The following FRMD4A variants were observed in gnomAD, a reference collection of about 807,000 sequenced individuals.
The protein encoded by FRMD4A is FERM domain-containing protein 4A.
FRMD4A carries 29 observed loss-of-function variants against 129.1 expected under a neutral mutation model. The observed-to-expected ratio is 0.22, with a 90% CI of 0.17 to 0.31. FRMD4A has a LOEUF of 0.31. FRMD4A is among the 10% of genes least tolerant of loss of function. FRMD4A has a pLI of 1.00. For missense variants in FRMD4A, 1,272 were observed against 1,375.8 expected (o/e 0.92, Z 1.19); for synonymous variants, 634 against 571.6 (o/e 1.11, Z -1.56).
chr10:13,822,670 G>A (rs1043919221), intron 3 of FRMD4A, among the ~76,000 whole-genome samples: 50 of 152,260 alleles, frequency 3.3e-4, no homozygotes, highest in Non-Finnish European at 5.9e-5. Flanking sequence ...ACCAGGTGTC[G>A]CATGCTCACT....
Position 14,152,127 on chromosome 10 carries a change from T to C in FRMD4A, c.45+177931A>G, listed in dbSNP as rs1184236904. 8.5e-3 allele frequency among the ~76,000 whole-genome samples: 1,103 copies of C among 129,154 alleles called. 16 individuals are homozygous for C. Among genetic ancestry groups the C allele is most frequent in the African/African-American group, 0.033 (1,040 of 31,970 alleles). The allele number at this position is 129,154 out of a possible 152,430, so 84.7% of individuals were successfully genotyped here. A position where few individuals can be genotyped will look rare whatever the true frequency, so the allele number is the denominator to read the frequency against. ...TATGTTTGTGTAGTGCTTTTTTTTTTTTTTTTTTTTTTTTTTTTGAGACAT... is the reference window on the plus strand; with the variant it reads ...TATGTTTGTGTAGTGCTTTTTTTTTCTTTTTTTTTTTTTTTTTTGAGACAT... On this transcript the variant is annotated intron_variant, in intron 2 of 24. Coordinates refer to ENST00000357447, the MANE Select transcript of FRMD4A (RefSeq NM_018027.5).
At chr10:14,108,452 C>G (rs981998532) in intron 2 of FRMD4A, among the ~76,000 whole-genome samples, 2 of 152,166 alleles carry the variant, frequency 1.3e-5, no homozygotes, top group African/African-American at 4.8e-5. Flanking sequence ...GAGGTTTAAA[C>G]TCTTTGGCAT....
intron 2 of FRMD4A, among the ~76,000 whole-genome samples, chr10:14,271,957 T>A (rs188768106): frequency 1.1e-3 from 165 of 152,174 alleles, no homozygotes; most frequent in Middle Eastern, 3.4e-3. Context: ...CTCAGTACAT[T>A]ATAATTAATT....
At chr10:14,034,099 C>T (rs937008894) in intron 2 of FRMD4A, among the ~76,000 whole-genome samples, 1 of 152,222 alleles carries the variant, frequency 6.6e-6, no homozygotes, top group Non-Finnish European at 1.5e-5. Flanking sequence ...CAAGAGCTAT[C>T]TGTTATAACT....
chr10:14,305,002 C>T (rs186285422), intron 2 of FRMD4A, among the ~76,000 whole-genome samples: 11 of 152,302 alleles, frequency 7.2e-5, no homozygotes, highest in African/African-American at 2.4e-4. Context: ...TTCCCCACTT[C>T]CCTACAAGTG....
chr10:14,114,356 C>A (rs1010090593), intron 2 of FRMD4A, among the ~76,000 whole-genome samples: 2 of 152,154 alleles, frequency 1.3e-5, no homozygotes, highest in African/African-American at 4.8e-5. Context: ...CCATTGATTT[C>A]AAAAACCCCA....
At chr10:14,036,714 C>G (rs1419568699) in intron 2 of FRMD4A, among the ~76,000 whole-genome samples, 4 of 152,122 alleles carry the variant, frequency 2.6e-5, no homozygotes, top group Non-Finnish European at 5.9e-5. Flanking sequence ...TCCCGAGTAG[C>G]TGGAATTACA....
At chr10:13,958,457 G>A (rs2095424369) in intron 2 of FRMD4A, among the ~76,000 whole-genome samples, 1 of 151,140 alleles carries the variant, frequency 6.6e-6, no homozygotes, top group African/African-American at 2.4e-5. Flanking sequence ...CTAATTTTTT[G>A]TATTTTTAGT....
intron 2 of FRMD4A, among the ~76,000 whole-genome samples, chr10:13,918,921 A>G (rs1249353098): frequency 6.6e-6 from 1 of 151,884 alleles, no homozygotes; most frequent in Non-Finnish European, 1.5e-5. Context: ...ATGCCCCCCT[A>G]ATTTCCTATT....
intron 6 of FRMD4A, among the ~76,000 whole-genome samples, chr10:13,765,623 A>G (rs552257503): frequency 6.6e-6 from 1 of 152,338 alleles, no homozygotes; most frequent in South Asian, 2.1e-4. Flanking sequence ...AGCCTACGGA[A>G]GAATTGGGGA....
At chr10:13,997,024 A>G (rs1038190394) in intron 2 of FRMD4A, among the ~76,000 whole-genome samples, 10 of 133,740 alleles carry the variant, frequency 7.5e-5, no homozygotes, top group Admixed American at 3.7e-4. Context: ...AAACAAAACA[A>G]AACAAAACAG....
chr10:14,161,267 T>G lies in FRMD4A; in HGVS notation c.45+168791A>C, dbSNP rs535539362. 2.0e-5 allele frequency among the ~76,000 whole-genome samples: 3 copies of G among 152,266 alleles called. No individual in the cohort carries two copies. The South Asian group carries it at 6.2e-4, about 32-fold the overall frequency. On this transcript the variant is annotated intron_variant, in intron 2 of 24. Transcript: ENST00000357447. ...CACCATGCCCAGCTGGTATGAAGAT[T>G]ACTTAAACTAGAAATAGAGCTACCA...
chr10:13,769,833 A>G (rs1040106471), intron 6 of FRMD4A, among the ~76,000 whole-genome samples: 1 of 152,048 alleles, frequency 6.6e-6, no homozygotes, highest in Admixed American at 6.6e-5. Flanking sequence ...GAGCTGGGAC[A>G]TCACATTTCA....
intron 2 of FRMD4A, among the ~76,000 whole-genome samples, chr10:14,201,310 G>T (rs1294623585): frequency 6.6e-6 from 1 of 152,140 alleles, no homozygotes; most frequent in African/African-American, 2.4e-5. Flanking sequence ...AAGTTACCCA[G>T]TTAGCAATGA....
chr10:13,964,071 C>G (rs529736846), intron 2 of FRMD4A, among the ~76,000 whole-genome samples: 3 of 151,198 alleles, frequency 2.0e-5, no homozygotes, highest in African/African-American at 7.3e-5. Flanking sequence ...ACAGCCAACC[C>G]AGAACCAGAG....
intron 2 of FRMD4A, among the ~76,000 whole-genome samples, chr10:13,872,673 A>G (rs1325188919): frequency 2.0e-5 from 3 of 152,212 alleles, no homozygotes; most frequent in Admixed American, 1.3e-4. Context: ...CTAACATCCA[A>G]CTGTTCCCTG....
intron 6 of FRMD4A, among the ~76,000 whole-genome samples, chr10:13,780,429 C>T (rs2092705688): frequency 6.6e-6 from 1 of 152,092 alleles, no homozygotes; most frequent in African/African-American, 2.4e-5. Context: ...GGGGTGTAGG[C>T]ATTTTGGGTC....
At chr10:13,930,777 G>A (rs1007256256) in intron 2 of FRMD4A, among the ~76,000 whole-genome samples, 3 of 152,200 alleles carry the variant, frequency 2.0e-5, no homozygotes, top group Non-Finnish European at 2.9e-5. Context: ...TCCCAGAGCA[G>A]TGGTTCTTAA....
intron 2 of FRMD4A, among the ~76,000 whole-genome samples, chr10:14,240,020 T>A (rs1843984758): frequency 6.6e-6 from 1 of 152,206 alleles, no homozygotes; most frequent in Non-Finnish European, 1.5e-5. Flanking sequence ...AATCAAATCA[T>A]GTATTGATTT....
Sources: gnomAD v4.1 joint callset for allele counts (sites outside exome capture counted in the v4.1 genomes callset) on GRCh38, gnomAD v4.1.1 for gene constraint, MANE v1.5 for transcripts, NCBI Gene and HGNC (gene_info 2026-07-23, HGNC 2026-07-21) for gene names.